EPHA3: variants seen among roughly 807,000 people sequenced by gnomAD.
The protein encoded by EPHA3 is EPH receptor A3.
A neutral mutation model predicts 107.1 loss-of-function variants in EPHA3; 42 were observed. The ratio of observed to expected loss-of-function variants is 0.39; its 90% CI spans 0.31 to 0.51. EPHA3 has a LOEUF of 0.51. EPHA3 is among the 20% of genes least tolerant of loss of function. EPHA3 has a pLI of 0.78. For missense variants in EPHA3, 1,183 were observed against 1,211.2 expected (o/e 0.98, Z 0.35); for synonymous variants, 461 against 424.8 (o/e 1.09, Z -1.05).
chr3:89,264,941 A>G (rs1259405993), intron 3 of EPHA3, among the ~76,000 whole-genome samples: 1 of 152,164 alleles, frequency 6.6e-6, no homozygotes, highest in Non-Finnish European at 1.5e-5. Flanking sequence ...GTGGGTATAT[A>G]GTAGGTGAAT....
intron 3 of EPHA3, among the ~76,000 whole-genome samples, chr3:89,311,539 C>T (rs1706765926): frequency 6.6e-6 from 1 of 151,906 alleles, no homozygotes; most frequent in Admixed American, 6.6e-5. Context: ...AAATTATAAT[C>T]ATAATTGAGT....
In EPHA3 at chr3:89,423,684, TAA is replaced by T. The variant is rs373262801; in HGVS notation, c.2074+4295_2074+4296del. 4.3e-3 allele frequency among the ~76,000 whole-genome samples: 654 copies of T among 151,520 alleles called. 4 individuals carry two copies. Among genetic ancestry groups the T allele is most frequent in the African/African-American group, 0.012 (494 of 41,482 alleles). On this transcript the variant is annotated intron_variant, in intron 11 of 16. Coordinates refer to ENST00000336596, the MANE Select transcript of EPHA3 (RefSeq NM_005233.6). ...CACTGCTCGATATATTAGAAAAATA[TAA>T]GACAGGGAATGTTATTTTTACATAT...
At chr3:89,161,851 C>A (rs763050756) in intron 2 of EPHA3, among the ~76,000 whole-genome samples, 1 of 151,780 alleles carries the variant, frequency 6.6e-6, no homozygotes, top group Non-Finnish European at 1.5e-5. Context: ...TGGTAGCATG[C>A]CTGTAGTCTC....
chr3:89,274,540 C>T (rs1007457967), intron 3 of EPHA3, among the ~76,000 whole-genome samples: 1 of 151,582 alleles, frequency 6.6e-6, no homozygotes, highest in African/African-American at 2.4e-5. Flanking sequence ...GGAATAATAC[C>T]CTCATCTGAA....
intron 11 of EPHA3, among the ~76,000 whole-genome samples, chr3:89,425,938 G>T (rs751395492): frequency 1.3e-5 from 2 of 151,578 alleles, no homozygotes; most frequent in East Asian, 3.9e-4. Flanking sequence ...AGACTGATTT[G>T]CTTCCCTTTA....
chr3:89,452,143 T>C (rs1421406883), intron 15 of EPHA3, among the ~76,000 whole-genome samples: 2 of 152,200 alleles, frequency 1.3e-5, no homozygotes, highest in African/African-American at 2.4e-5. Flanking sequence ...ATCTTGGCTA[T>C]TGTGAATAAT....
At chr3:89,267,961 G>A (rs1576277668) in intron 3 of EPHA3, among the ~76,000 whole-genome samples, 1 of 152,124 alleles carries the variant, frequency 6.6e-6, no homozygotes, top group East Asian at 1.9e-4. Context: ...AATTTTAACT[G>A]ATTTGAAGCT....
chr3:89,208,470 G>GAA (rs1420756121), intron 2 of EPHA3, among the ~76,000 whole-genome samples: 5 of 129,082 alleles, frequency 3.9e-5, no homozygotes, highest in African/African-American at 1.2e-4. Flanking sequence ...AAGAAAGAAA[G>GAA]AAAGAAAGAA....
In EPHA3 at chr3:89,249,391, A is replaced by G. The variant is rs2107260089; in HGVS notation, c.814+38871A>G. Among the ~76,000 whole-genome samples the G allele has an allele frequency of 1.3e-5, 2 of 152,234 alleles. 1 individual carries two copies. Among genetic ancestry groups the G allele is most frequent in the South Asian group, 4.1e-4 (2 of 4,824 alleles). On this transcript the variant is annotated intron_variant, in intron 3 of 16. Coordinates refer to ENST00000336596, the MANE Select transcript of EPHA3 (RefSeq NM_005233.6). ...TTGCTAAATTCATGGTTTCTTTGTT[A>G]GTACAGTTTCATTCATCGTTATTAG... is the stretch of plus-strand genomic sequence containing the variant.
At chr3:89,476,584 TTTTTA>T (rs1710512319) in intron 16 of EPHA3, among the ~76,000 whole-genome samples, 1 of 140,558 alleles carries the variant, frequency 7.1e-6, no homozygotes, top group African/African-American at 2.7e-5. Context: ...ACTATTATTA[TTTTTA>T]TTTATTTATT....
chr3:89,220,308 C>T (rs1704341745), intron 3 of EPHA3, among the ~76,000 whole-genome samples: 1 of 152,100 alleles, frequency 6.6e-6, no homozygotes, highest in African/African-American at 2.4e-5. Context: ...CAGGAATTTT[C>T]TTTAAAATTA....
intron 2 of EPHA3, among the ~76,000 whole-genome samples, chr3:89,191,952 G>A (rs905623059): frequency 7.2e-5 from 11 of 152,172 alleles, no homozygotes; most frequent in Non-Finnish European, 1.3e-4. Context: ...TTTAGGTAAA[G>A]TAGTCATAAA....
chr3:89,222,910 T>C (rs1381273376), intron 3 of EPHA3, among the ~76,000 whole-genome samples: 2 of 152,230 alleles, frequency 1.3e-5, no homozygotes, highest in Non-Finnish European at 2.9e-5. Flanking sequence ...GGTTGTTCTA[T>C]ACAAGGATCA....
intron 2 of EPHA3, among the ~76,000 whole-genome samples, chr3:89,185,548 G>A (rs1289697064): frequency 3.3e-5 from 5 of 152,054 alleles, no homozygotes; most frequent in East Asian, 1.9e-4. Context: ...CCTCCTCTAC[G>A]TTTTTCACTG....
At chr3:89,125,739 CTT>C (rs1468493640) in intron 1 of EPHA3, among the ~76,000 whole-genome samples, 1 of 151,534 alleles carries the variant, frequency 6.6e-6, no homozygotes, top group Non-Finnish European at 1.5e-5. Flanking sequence ...AAGAATCTAA[CTT>C]TGAGAATTGT....
chr3:89,421,850 G>A (rs1709358750), intron 11 of EPHA3, among the ~76,000 whole-genome samples: 1 of 150,886 alleles, frequency 6.6e-6, no homozygotes, highest in African/African-American at 2.4e-5. Flanking sequence ...AAAAAATGTA[G>A]AAAAATGCAC....
Position 89,213,218 on chromosome 3 carries a change from G to A in EPHA3, c.814+2698G>A, listed in dbSNP as rs181079705. Among the ~76,000 whole-genome samples the A allele has an allele frequency of 1.1e-3, 169 of 152,030 alleles. 2 individuals carry two copies. Among genetic ancestry groups the A allele is most frequent in the Non-Finnish European group, 1.8e-3 (122 of 67,882 alleles). ...AACTCAGAAGCATTCCTTTCTAGTT[G>A]TTTTTTGCCTGGAAGTTCCTTAAGG... On this transcript the variant is annotated intron_variant, in intron 3 of 16. Coordinates refer to ENST00000336596, the MANE Select transcript of EPHA3 (RefSeq NM_005233.6).
intron 2 of EPHA3, among the ~76,000 whole-genome samples, chr3:89,198,294 T>C (rs1705893674): frequency 6.6e-6 from 1 of 152,192 alleles, no homozygotes; most frequent in South Asian, 2.1e-4. Flanking sequence ...GCAAACACAG[T>C]TACAACCATT....
chr3:89,204,523 A>G (rs1269114104), intron 2 of EPHA3, among the ~76,000 whole-genome samples: 2 of 28,894 alleles, frequency 6.9e-5, no homozygotes, highest in Non-Finnish European at 3.2e-4. Context: ...ACAAAAAAAC[A>G]ATTCTATTCC....
Sources: allele counts gnomAD v4.1 joint callset (sites outside exome capture counted in the v4.1 genomes callset), GRCh38; gene constraint gnomAD v4.1.1; transcripts MANE v1.5; gene names NCBI Gene and HGNC (gene_info 2026-07-23, HGNC 2026-07-21).